MCC: variants seen among roughly 807,000 people sequenced by gnomAD.
MCC encodes the protein colorectal mutant cancer protein.
In MCC, 90 loss-of-function variants were observed where a neutral mutation model predicts 116.2. The observed-to-expected ratio is 0.77, with a 90% confidence interval of 0.65 to 0.92. The LOEUF (loss-of-function observed/expected upper bound fraction) is 0.92, where lower values mean the gene tolerates loss of function less well. Ranked by LOEUF, MCC falls within the 40% of genes least tolerant of loss-of-function variation. MCC has a pLI of 0.00. For synonymous variants in MCC, 578 were observed against 510.5 expected (o/e 1.13, Z -1.78); for missense variants, 1,516 against 1,312.2 (o/e 1.16, Z -2.40).
chr5:113,105,988 A>C (rs1310678229), intron 6 of MCC, among the ~76,000 whole-genome samples: 13 of 152,140 alleles, frequency 8.5e-5, no homozygotes, highest in Admixed American at 7.9e-4. Flanking sequence ...AGACCAATTA[A>C]ATCACAATCT....
chr5:113,188,355 C>T (rs966728414), intron 3 of MCC, among the ~76,000 whole-genome samples: 2 of 152,112 alleles, frequency 1.3e-5, no homozygotes, highest in South Asian at 2.1e-4. Context: ...TCTAGCCCCA[C>T]GAAACAGGTA....
intron 8 of MCC, among the ~76,000 whole-genome samples, chr5:113,101,235 C>A (rs1390949617): frequency 6.6e-6 from 1 of 151,968 alleles, no homozygotes; most frequent in East Asian, 1.9e-4. Context: ...CATATATGCA[C>A]ACAATGTACA....
At chr5:113,256,212 C>G (rs1049899643) in intron 3 of MCC, among the ~76,000 whole-genome samples, 3 of 152,160 alleles carry the variant, frequency 2.0e-5, no homozygotes, top group Admixed American at 2.0e-4. Context: ...CTGTTTCTAT[C>G]CAAGAGGAGA....
At chr5:113,161,384 C>G (rs949277705) in intron 3 of MCC, among the ~76,000 whole-genome samples, 1 of 152,180 alleles carries the variant, frequency 6.6e-6, no homozygotes, top group Admixed American at 6.5e-5. Flanking sequence ...AAAGGGTTCT[C>G]TGACAAGGTC....
At chr5:113,482,855 T>G (rs1191547932) in intron 1 of MCC, among the ~76,000 whole-genome samples, 3 of 152,208 alleles carry the variant, frequency 2.0e-5, no homozygotes, top group Admixed American at 1.3e-4. Flanking sequence ...TTAGCTCTAT[T>G]TTTTCTTCTA....
chr5:113,187,114 C>T (rs1461872061), intron 3 of MCC, among the ~76,000 whole-genome samples: 1 of 152,114 alleles, frequency 6.6e-6, no homozygotes, highest in Non-Finnish European at 1.5e-5. Flanking sequence ...CTCATTTAAA[C>T]TTTCACCTCC....
chr5:113,325,687 C>T (rs10037836), intron 3 of MCC, among the ~76,000 whole-genome samples: 4,769 of 152,030 alleles, frequency 0.031, 252 homozygotes, highest in African/African-American at 0.1. Context: ...GCCATTCCAA[C>T]CAAGGTTTAA....
At chr5:113,323,954 T>C (rs879448206) in intron 3 of MCC, among the ~76,000 whole-genome samples, 1 of 152,258 alleles carries the variant, frequency 6.6e-6, no homozygotes, top group Non-Finnish European at 1.5e-5. Context: ...CCTGGCTTAC[T>C]ATCTACTTTT....
chr5:113,359,105 C>T (rs1371998354), intron 2 of MCC, among the ~76,000 whole-genome samples: 4 of 152,094 alleles, frequency 2.6e-5, no homozygotes, highest in Non-Finnish European at 5.9e-5. Context: ...TTCCTTTGCC[C>T]TTTGTCTGTC....
chr5:113,259,255 T>C (rs1447116027), intron 3 of MCC, among the ~76,000 whole-genome samples: 3 of 152,186 alleles, frequency 2.0e-5, no homozygotes. Context: ...TCTCAGTCAT[T>C]TGTGAGATGC....
intron 14 of MCC, among the ~76,000 whole-genome samples, chr5:113,055,898 G>A (rs1400660911): frequency 1.3e-5 from 2 of 152,166 alleles, no homozygotes; most frequent in African/African-American, 2.4e-5. Context: ...CCCCCAAAAG[G>A]GAAAAAATTC....
intron 1 of MCC, among the ~76,000 whole-genome samples, chr5:113,411,024 G>A (rs149945308): frequency 0.036 from 5,405 of 152,194 alleles, 344 homozygotes; most frequent in African/African-American, 0.12. Flanking sequence ...CATATAGGTT[G>A]GTTCCAAGTC....
intron 1 of MCC, among the ~76,000 whole-genome samples, chr5:113,483,181 C>A (rs1034739761): frequency 2.0e-5 from 3 of 152,130 alleles, no homozygotes; most frequent in Non-Finnish European, 4.4e-5. Flanking sequence ...TGCTTTGGAG[C>A]AAGTTTTGAA....
At chr5:113,343,595 GACAA>G (rs541149534) in intron 2 of MCC, among the ~76,000 whole-genome samples, 29 of 152,262 alleles carry the variant, frequency 1.9e-4, no homozygotes, top group East Asian at 7.7e-4. Context: ...TCATACATAA[GACAA>G]ACAGACAGAG....
chr5:113,287,279 T>A (rs527238111), intron 3 of MCC, among the ~76,000 whole-genome samples: 1 of 152,304 alleles, frequency 6.6e-6, no homozygotes, highest in South Asian at 2.1e-4. Context: ...ATAATTTTCA[T>A]TTTCTGTAAT....
intron 6 of MCC, among the ~76,000 whole-genome samples, chr5:113,109,574 T>G (rs1756957685): frequency 6.6e-6 from 1 of 152,140 alleles, no homozygotes; most frequent in Non-Finnish European, 1.5e-5. Flanking sequence ...GTGGTGGTGA[T>G]GGTCACACTA....
chr5:113,102,856 C>T (rs1172292860), intron 7 of MCC, among the ~76,000 whole-genome samples: 2 of 151,954 alleles, frequency 1.3e-5, no homozygotes, highest in Admixed American at 6.5e-5. Flanking sequence ...GTGGCTCACG[C>T]CTGTAATCCC....
chr5:113,272,083 G>A (rs932413845), intron 3 of MCC, among the ~76,000 whole-genome samples: 1 of 152,168 alleles, frequency 6.6e-6, no homozygotes, highest in African/African-American at 2.4e-5. Flanking sequence ...ATTGGAGATT[G>A]TTTAGCTTTA....
chr5:113,143,048 GA>G (rs1759272264), intron 5 of MCC, among the ~76,000 whole-genome samples, 169 bp downstream of exon 5: 1 of 152,178 alleles, frequency 6.6e-6, no homozygotes, highest in African/African-American at 2.4e-5. Flanking sequence ...AAAGCAAAGA[GA>G]AATATACACT....
Sources: allele counts gnomAD v4.1 joint callset (sites outside exome capture counted in the v4.1 genomes callset), GRCh38; gene constraint gnomAD v4.1.1; transcripts MANE v1.5; gene names NCBI Gene and HGNC (gene_info 2026-07-23, HGNC 2026-07-21).